The following IL17RC variants were observed in gnomAD, a reference collection of about 807,000 sequenced individuals.
The protein encoded by IL17RC is interleukin-17 receptor C.
IL17RC carries 53 observed loss-of-function variants against 86.7 expected under a neutral mutation model. The observed-to-expected ratio is 0.61, with a 90% CI of 0.49 to 0.77. The LOEUF (loss-of-function observed/expected upper bound fraction) is 0.77, where lower values mean the gene tolerates loss of function less well. Among genes scored for constraint, IL17RC ranks in the 30% least tolerant of loss-of-function variants. The probability of loss-of-function intolerance (pLI) is 0.00; values close to 1 mark genes in which losing one functional copy is unlikely to be tolerated. For synonymous variants in IL17RC, 439 were observed against 413.1 expected (o/e 1.06, Z -0.76); for missense variants, 957 against 940.0 (o/e 1.02, Z -0.24).
In IL17RC at chr3:9,933,017, G is replaced by C; in HGVS notation, c.1587G>C (p.Leu529=). Residue 529 remains leucine (L), a synonymous_variant, in exon 19 of 19, where the codon CTG becomes CTC. Transcript: ENST00000403601. ...CCGATGACTCGGGTTTCGAGCGCCT[G>C]GTGGGCGCCCTGGCGTCGGCCCTGT... The part of the protein sequence containing the change: ...YSADDSGFER[L]VGALASALCQ... 1 of 1,565,752 alleles carries C rather than the reference G, an allele frequency of 6.4e-7. No individual in the cohort carries two copies. Among genetic ancestry groups the C allele is most frequent in the Non-Finnish European group, 8.6e-7 (1 of 1,163,892 alleles).
intron 9 of IL17RC, among the ~76,000 whole-genome samples, chr3:9,926,311 C>A (rs572496973): frequency 6.6e-6 from 1 of 152,004 alleles, no homozygotes; most frequent in African/African-American, 2.4e-5. Context: ...GGATTACAGG[C>A]GTGAGCCACT....
intron 16 of IL17RC, among the ~76,000 whole-genome samples, chr3:9,931,470 C>CACACACACACACACACACATAT (rs750351615): frequency 5.5e-4 from 24 of 43,720 alleles, no homozygotes; most frequent in African/African-American, 1.0e-3. Flanking sequence ...CACACACACA[C>CACACACACACACACACACATAT]ATATATATAT....
At chr3:9,929,965 C>T in intron 13 of IL17RC, 63 bp from the exon 14 acceptor site, 1 of 1,613,628 alleles carries the variant, frequency 6.2e-7, no homozygotes, top group South Asian at 1.1e-5. Flanking sequence ...GCATGGGAGG[C>T]AGGCAAGTGG....
In IL17RC at chr3:9,933,124, C is replaced by G. The variant is rs774863711; in HGVS notation, c.1694C>G (p.Ala565Gly). The G allele has an allele frequency of 1.3e-6, 2 of 1,587,404 alleles. No individual in the cohort carries two copies. The highest frequency in any genetic ancestry group is 1.8e-5 in the Admixed American group (1 of 56,786). ...CAGGGGCCCGTGGCTTGGTTTCACG[C>G]GCAGCGGCGCCAGACCCTGCAGGAG... ...SAQGPVAWFH[A>G]QRRQTLQEGG... The change falls in exon 19 of 19, where the codon GCG becomes GGG. Residue 565 changes from alanine to glycine, a missense_variant. Ala to Gly is a moderately conservative substitution (Grantham distance 60). Coordinates refer to ENST00000403601, the MANE Select transcript of IL17RC (RefSeq NM_153460.4).
At position 9,933,107 on chromosome 3, in the gene IL17RC, C is replaced by A; in HGVS notation, c.1677C>A (p.Pro559=). 1 of 1,578,128 alleles carries A rather than the reference C, an allele frequency of 6.3e-7. No homozygotes were observed. Residue 559 remains proline (P), a synonymous_variant, in exon 19 of 19, where the codon CCC becomes CCA. Coordinates refer to ENST00000403601, the MANE Select transcript of IL17RC (RefSeq NM_153460.4). ...GTCGTGAACTGAGCGCGCAGGGGCCCGTGGCTTGGTTTCACGCGCAGCGGC... is the reference window on the plus strand; with the variant it reads ...GTCGTGAACTGAGCGCGCAGGGGCCAGTGGCTTGGTTTCACGCGCAGCGGC... The part of the protein sequence containing the change: ...WSRRELSAQG[P]VAWFHAQRRQ...
At position 9,928,497 on chromosome 3, in the gene IL17RC, C is replaced by T; in HGVS notation, c.1059+11C>T. On this transcript the variant is annotated intron_variant, in intron 11 of 18. Transcript: ENST00000403601. Reference sequence around the variant, plus strand: ...AACGTCACTGTGGACGTAAGTGAAGCAGAGGGCACCTCCCGTGGTGAGGGG... The same window carrying T: ...AACGTCACTGTGGACGTAAGTGAAGTAGAGGGCACCTCCCGTGGTGAGGGG... 1 of 1,612,866 alleles carries T rather than the reference C, an allele frequency of 6.2e-7. No individual in the cohort carries two copies. The highest frequency in any genetic ancestry group is 8.5e-7 in the Non-Finnish European group (1 of 1,179,764).
In IL17RC at chr3:9,933,074, G is replaced by C; in HGVS notation, c.1644G>C (p.Leu548=). The C allele has an allele frequency of 1.9e-6, 3 of 1,557,830 alleles. No individual in the cohort carries two copies. The highest frequency in any genetic ancestry group is 2.6e-6 in the Non-Finnish European group (3 of 1,160,078). ...TGCCGCTGCGCGTGGCCGTAGACCT[G>C]TGGAGCCGTCGTGAACTGAGCGCGC... ...CQLPLRVAVD[L]WSRRELSAQG... The change falls in exon 19 of 19, where the codon CTG becomes CTC. Residue 548 remains leucine, a synonymous_variant. Transcript: ENST00000403601.
At chr3:9,924,329 G>A (rs2083864489) in intron 9 of IL17RC, 38 bp downstream of exon 9, 1 of 1,591,824 alleles carries the variant, frequency 6.3e-7, no homozygotes, top group East Asian at 2.2e-5. Context: ...GAAGAGGAGT[G>A]GGAAGATGAT....
At position 9,917,432 on chromosome 3, in the gene IL17RC, A is replaced by G. The variant is rs201879409; in HGVS notation, c.105+12A>G. On this transcript the variant is annotated intron_variant, in intron 1 of 18. Transcript: ENST00000403601. ...CCCACTGCTCTCCGGTGAGTCTGGA[A>G]CCCTGGGGAGACGAGGAAAGGCTCA... 303 of 1,614,094 alleles carry G rather than the reference A, an allele frequency of 1.9e-4. 1 individual carries two copies. The highest frequency in any genetic ancestry group is 1.4e-3 in the Admixed American group (84 of 60,018).
chr3:9,929,876 C>T lies in IL17RC; in HGVS notation c.1135C>T (p.Leu379=), dbSNP rs535813538. The change falls in exon 13 of 19, where the codon CTG becomes TTG. Residue 379 remains leucine (L), a synonymous_variant. Transcript: ENST00000403601. ...VQVNSSEKLQ[L]QECLWADSLG... ...GGTGAACAGCTCGGAGAAGCTGCAGCTGCAGGAGTGCTTGTGGGCTGGTGA... is the reference window on the plus strand; with the variant it reads ...GGTGAACAGCTCGGAGAAGCTGCAGTTGCAGGAGTGCTTGTGGGCTGGTGA... 3.5e-5 allele frequency: 57 copies of T among 1,614,166 alleles called. No homozygotes were observed. Among genetic ancestry groups the T allele is most frequent in the Non-Finnish European group, 3.6e-5 (42 of 1,180,020 alleles).
In IL17RC at chr3:9,917,251, G is replaced by A. The variant is rs2083151849; in HGVS notation, c.-65G>A. The A allele has an allele frequency of 7.6e-7, 1 of 1,316,234 alleles. No individual in the cohort carries two copies. Among genetic ancestry groups the A allele is most frequent in the Non-Finnish European group, 1.0e-6 (1 of 965,716 alleles). The allele number at this position is 1,316,234 out of a possible 1,614,324, so 81.5% of individuals were successfully genotyped here. A position where few individuals can be genotyped will look rare whatever the true frequency, so the allele number is the denominator to read the frequency against. On this transcript the variant is annotated 5_prime_UTR_variant, in exon 1 of 19. Coordinates refer to ENST00000403601, the MANE Select transcript of IL17RC (RefSeq NM_153460.4). Reference sequence around the variant, plus strand: ...CCCACAGACACGGGCTGACTGGGGTGTCTGCCCCCCTTGGGGGGGGGCAGC... The same window carrying A: ...CCCACAGACACGGGCTGACTGGGGTATCTGCCCCCCTTGGGGGGGGGCAGC...
In IL17RC at chr3:9,928,729, G is replaced by A. The variant is rs115289862; in HGVS notation, c.1110+99G>A. The A allele has an allele frequency of 7.0e-4, 901 of 1,279,294 alleles. 3 individuals are homozygous for A. Among genetic ancestry groups the A allele is most frequent in the East Asian group, 1.1e-3 (47 of 43,208 alleles). 79.2% of individuals were successfully genotyped at this position (1,279,294 alleles called of 1,614,324 possible). On this transcript the variant is annotated intron_variant, in intron 12 of 18. Coordinates refer to ENST00000403601, the MANE Select transcript of IL17RC (RefSeq NM_153460.4). ...CTTGGGCCGCTAAAGCATAGTGGTT[G>A]CCAGCTTCCTCTATGGGAGTTCCAC...
chr3:9,917,981 G>A lies in IL17RC; in HGVS notation c.186G>A (p.Ala62=), dbSNP rs114515915. The change falls in exon 3 of 19, where the codon GCG becomes GCA. Residue 62 remains alanine (A), a synonymous_variant. Transcript: ENST00000403601. ...DIVPAPGPVL[A]PTHLQTELVL... is the part of the protein sequence containing the mutation. The stretch of plus-strand genomic sequence containing the variant: ...TGCCTGCTCCGGGCCCCGTGCTGGC[G>A]CCTACGCACCTGCAGACAGAGCTGG... The A allele has an allele frequency of 3.9e-4, 623 of 1,613,794 alleles. 4 individuals carry two copies. In the African/African-American group the frequency reaches 5.5e-3, roughly 14 times the overall value.
Position 9,933,377 on chromosome 3 carries a change from C to T in IL17RC, c.1947C>T (p.Thr649=), listed in dbSNP as rs746820098. The T allele has an allele frequency of 6.8e-6, 11 of 1,612,852 alleles. No individual in the cohort carries two copies. In the Admixed American group the frequency reaches 1.8e-4, roughly 27 times the overall value. ...ACGCCGTACCCGCCCTTTTCCGCAC[C>T]GTGCCCGTCTTCACACTGCCCTCCC... ...HPDAVPALFR[T]VPVFTLPSQL... is the part of the protein sequence containing the mutation. The change falls in exon 19 of 19, where the codon ACC becomes ACT. Residue 649 remains threonine, a synonymous_variant. Transcript: ENST00000403601.
rs2084516001 is a variant in IL17RC, at chr3:9,930,133, C to G, written c.1262C>G (p.Pro421Arg). Residue 421 changes from proline (P) to arginine (R), a missense_variant, in exon 14 of 19, where the codon CCC (proline) becomes CGC (arginine). Physicochemically the swap from Pro to Arg is moderately radical, Grantham distance 103. Transcript: ENST00000403601. The surrounding 1 kb of genome is among the most constrained non-coding windows in gnomAD (Gnocchi z 5.8). ...GAACCCAGTGGCTGTACTTCACTAC[C>G]CAGCAAAGCCTCCACGGTTAGGACT... ...ALEPSGCTSL[P>R]SKASTRAARL... 2 of 1,613,954 alleles carry G rather than the reference C, an allele frequency of 1.2e-6. No homozygotes were observed. Among genetic ancestry groups the G allele is most frequent in the Non-Finnish European group, 1.7e-6 (2 of 1,180,020 alleles).
Position 9,930,685 on chromosome 3 carries a change from G to T in IL17RC, c.1339-210G>T. ...TTTTGGGTTCCAGGGAGAGCTTCCG[G>T]GAAGAATTTCTTCCTATAAGCCAGA... On this transcript the variant is annotated intron_variant, in intron 15 of 18. Transcript: ENST00000403601. This position sits in a 1 kb window ranked among gnomAD's most constrained non-coding sequence, Gnocchi z 5.8. The T allele has an allele frequency of 1.5e-6, 1 of 672,870 alleles. No homozygotes were observed. The highest frequency in any genetic ancestry group is 2.7e-5 in the East Asian group (1 of 36,838). The allele number at this position is 672,870 out of a possible 1,614,324, so 41.7% of individuals were successfully genotyped here. A position where few individuals can be genotyped will look rare whatever the true frequency, so the allele number is the denominator to read the frequency against.
In IL17RC at chr3:9,933,016, T is replaced by C. The variant is rs760137655; in HGVS notation, c.1586T>C (p.Leu529Pro). Residue 529 changes from leucine to proline, a missense_variant, in exon 19 of 19, where the codon CTG becomes CCG. Physicochemically the swap from Leu to Pro is moderately conservative, Grantham distance 98. Transcript: ENST00000403601. Reference protein sequence around the residue: ...YSADDSGFERLVGALASALCQ... With the variant: ...YSADDSGFERPVGALASALCQ... ...GCCGATGACTCGGGTTTCGAGCGCC[T>C]GGTGGGCGCCCTGGCGTCGGCCCTG... The C allele has an allele frequency of 2.3e-5, 36 of 1,565,578 alleles. No homozygotes were observed. Among genetic ancestry groups the C allele is most frequent in the Non-Finnish European group, 2.2e-5 (26 of 1,163,840 alleles).
chr3:9,930,563 G>A lies in IL17RC; in HGVS notation c.1338+104G>A, dbSNP rs1285726841. The A allele has an allele frequency of 3.4e-6, 4 of 1,175,584 alleles. No homozygotes were observed. In the East Asian group the frequency reaches 1.0e-4, roughly 30 times the overall value. 72.8% of individuals were successfully genotyped at this position (1,175,584 alleles called of 1,614,324 possible). On this transcript the variant is annotated intron_variant, in intron 15 of 18. Transcript: ENST00000403601. This position sits in a 1 kb window ranked among gnomAD's most constrained non-coding sequence, Gnocchi z 5.8. ...TAGGCTTATTTTATGTTCAGCCCTG[G>A]GAAAGTTAAGAGTAGAAGAAGCACA... is the stretch of plus-strand genomic sequence containing the variant.
rs1397098999 is a variant in IL17RC at position 9,930,776 on chromosome 3, C to A, written c.1339-119C>A. On this transcript the variant is annotated intron_variant, in intron 15 of 18. Coordinates refer to ENST00000403601, the MANE Select transcript of IL17RC (RefSeq NM_153460.4). This position sits in a 1 kb window ranked among gnomAD's most constrained non-coding sequence, Gnocchi z 5.8. ...CACAAAGGCAGAGCAGCTGCAGGAACCTTAGCCGGGAGATATGCATAGTTG... is the reference window on the plus strand; with the variant it reads ...CACAAAGGCAGAGCAGCTGCAGGAAACTTAGCCGGGAGATATGCATAGTTG... 11 of 905,374 alleles carry A rather than the reference C, an allele frequency of 1.2e-5. No homozygotes were observed. Among genetic ancestry groups the A allele is most frequent in the Middle Eastern group, 2.1e-4 (1 of 4,662 alleles). 56.1% of individuals were successfully genotyped at this position (905,374 alleles called of 1,614,324 possible). A position where few individuals can be genotyped will look rare whatever the true frequency, so the allele number is the denominator to read the frequency against.
Sources: allele counts gnomAD v4.1 joint callset (sites outside exome capture counted in the v4.1 genomes callset), GRCh38; gene constraint gnomAD v4.1.1; non-coding constraint Gnocchi (gnomAD v3.1); transcripts MANE v1.5; gene names NCBI Gene and HGNC (gene_info 2026-07-23, HGNC 2026-07-21).